FAM184B: variants seen among roughly 807,000 people sequenced by gnomAD.
FAM184B encodes family with sequence similarity 184 member B, also known as protein FAM184B.
In FAM184B, 111 loss-of-function variants were observed where a neutral mutation model predicts 135.9. The ratio of observed to expected loss-of-function variants is 0.82; its 90% CI spans 0.70 to 0.96. The LOEUF is 0.96. FAM184B is among the 40% of genes least tolerant of loss of function. FAM184B has a pLI of 0.00. For synonymous variants in FAM184B, 552 were observed against 524.8 expected (o/e 1.05, Z -0.71); for missense variants, 1,375 against 1,323.9 (o/e 1.04, Z -0.60).
intron 2 of FAM184B, among the ~76,000 whole-genome samples, 180 bp downstream of exon 2, chr4:17,708,712 G>GTC (rs1717175466): frequency 3.0e-5 from 1 of 33,304 alleles, no homozygotes; most frequent in Non-Finnish European, 5.8e-5. Context: ...TATATATAGT[G>GTC]TCTGTGTGTG....
intron 1 of FAM184B, among the ~76,000 whole-genome samples, chr4:17,721,602 G>A (rs1394144439): frequency 6.6e-6 from 1 of 152,140 alleles, no homozygotes; most frequent in Non-Finnish European, 1.5e-5. Flanking sequence ...GCAGAGCCGA[G>A]GTGAAGGGCA....
intron 1 of FAM184B, among the ~76,000 whole-genome samples, chr4:17,717,445 G>A (rs538400561): frequency 6.6e-6 from 1 of 152,226 alleles, no homozygotes; most frequent in African/African-American, 2.4e-5. Context: ...TCTGCCATCT[G>A]CTTGCTTGCT....
intron 5 of FAM184B, among the ~76,000 whole-genome samples, chr4:17,696,880 T>C (rs1716878860): frequency 6.6e-6 from 1 of 151,296 alleles, no homozygotes; most frequent in Admixed American, 6.6e-5. Context: ...GAGGGCAGAG[T>C]TGGACAGGGG....
chr4:17,712,746 C>CA (rs61040302), intron 1 of FAM184B, among the ~76,000 whole-genome samples: 5,981 of 147,708 alleles, frequency 0.04, 275 homozygotes, highest in African/African-American at 0.11. Flanking sequence ...GTTTAGAAAA[C>CA]AAAAAAAAAG....
At chr4:17,725,640 C>G (rs1341320960) in intron 1 of FAM184B, among the ~76,000 whole-genome samples, 2 of 152,184 alleles carry the variant, frequency 1.3e-5, no homozygotes, top group Non-Finnish European at 2.9e-5. Context: ...AAAGGCATCT[C>G]CATTTTCACT....
At chr4:17,701,204 G>A (rs913019768) in intron 5 of FAM184B, among the ~76,000 whole-genome samples, 2 of 152,176 alleles carry the variant, frequency 1.3e-5, no homozygotes, top group Admixed American at 6.5e-5. Context: ...ACATAAATAT[G>A]CATTCAGTCA....
intron 10 of FAM184B, among the ~76,000 whole-genome samples, chr4:17,653,571 G>A (rs965582857): frequency 4.0e-5 from 6 of 151,674 alleles, no homozygotes; most frequent in East Asian, 1.9e-4. Flanking sequence ...GTTCATTCAC[G>A]CTTTCACTCA....
chr4:17,737,121 G>T, intron 1 of FAM184B, among the ~76,000 whole-genome samples: 1 of 151,644 alleles, frequency 6.6e-6, no homozygotes, highest in Non-Finnish European at 1.5e-5. Context: ...TCCAGCCTGG[G>T]CAACAAGAGT....
Position 17,748,027 on chromosome 4 carries a change from C to A in FAM184B, c.141+33132G>T, listed in dbSNP as rs976657035. ...GCTGAGGCAGGAGAATCGCTTAAAC[C>A]CGGGAGGCAGAGGTTGCAGTTAGCA... On this transcript the variant is annotated intron_variant, in intron 1 of 17. Coordinates refer to ENST00000265018, the MANE Select transcript of FAM184B (RefSeq NM_015688.2). 1.0e-4 allele frequency among the ~76,000 whole-genome samples: 15 copies of A among 146,690 alleles called. No homozygotes were observed. The South Asian group carries it at 3.3e-3, about 32-fold the overall frequency.
At chr4:17,729,633 C>A (rs558735951) in intron 1 of FAM184B, among the ~76,000 whole-genome samples, 2 of 152,362 alleles carry the variant, frequency 1.3e-5, no homozygotes, top group Non-Finnish European at 2.9e-5. Context: ...GCAGCCACTG[C>A]TGCTGATACC....
intron 6 of FAM184B, among the ~76,000 whole-genome samples, chr4:17,689,564 T>C (rs777999138): frequency 2.0e-5 from 3 of 152,110 alleles, no homozygotes; most frequent in Non-Finnish European, 2.9e-5. Context: ...TCAGTAGAGA[T>C]ATGTACAAAA....
intron 17 of FAM184B, 114 bp from the exon 18 acceptor site, chr4:17,632,739 C>A: frequency 1.4e-6 from 1 of 693,346 alleles, no homozygotes; most frequent in Non-Finnish European, 2.4e-6. Flanking sequence ...CAAAAACACC[C>A]AAATGGGACT....
chr4:17,752,507 G>C (rs1448986835), intron 1 of FAM184B, among the ~76,000 whole-genome samples: 1 of 152,088 alleles, frequency 6.6e-6, no homozygotes, highest in African/African-American at 2.4e-5. Context: ...GTTTTGCTTT[G>C]ATCACAGAGA....
intron 2 of FAM184B, among the ~76,000 whole-genome samples, 170 bp downstream of exon 2, chr4:17,708,714 CTGTGTGTG>C (rs71167327): frequency 1.8e-5 from 1 of 57,056 alleles, no homozygotes; most frequent in Non-Finnish European, 3.1e-5. Context: ...TATATAGTGT[CTGTGTGTG>C]TGTGTGTGTG....
rs1350399322 is a variant in FAM184B, at chr4:17,709,138, G to T, written c.648C>A (p.Arg216=). Residue 216 remains arginine (R), a synonymous_variant, in exon 2 of 18, where the codon CGC becomes CGA. Coordinates refer to ENST00000265018, the MANE Select transcript of FAM184B (RefSeq NM_015688.2). ...AGGTGGCCTGCAGCTCCTCGGCCTT[G>T]CGGGCGTAGTCCTTGCTCAGCTGCT... ...ENQQLSKDYA[R]KAEELQATYE... 2 of 1,548,504 alleles carry T rather than the reference G, an allele frequency of 1.3e-6. No individual in the cohort carries two copies. Among genetic ancestry groups the T allele is most frequent in the Non-Finnish European group, 1.7e-6 (2 of 1,146,984 alleles).
intron 11 of FAM184B, among the ~76,000 whole-genome samples, chr4:17,649,550 C>A (rs1715552488): frequency 6.7e-6 from 1 of 149,654 alleles, no homozygotes; most frequent in Non-Finnish European, 1.5e-5. Flanking sequence ...CACCACTGCA[C>A]TCCAGCTTGG....
At chr4:17,741,985 C>T (rs1270475211) in intron 1 of FAM184B, among the ~76,000 whole-genome samples, 1 of 151,778 alleles carries the variant, frequency 6.6e-6, no homozygotes, top group Non-Finnish European at 1.5e-5. Flanking sequence ...GAAGTTTCAG[C>T]CAACAAACAT....
At chr4:17,662,127 C>T (rs1445586635) in intron 8 of FAM184B, among the ~76,000 whole-genome samples, 1 of 152,128 alleles carries the variant, frequency 6.6e-6, no homozygotes, top group Non-Finnish European at 1.5e-5. Flanking sequence ...GGTTATGTTG[C>T]TCCTCATCAT....
chr4:17,653,122 A>C, intron 10 of FAM184B, 139 bp from the exon 11 acceptor site: 2 of 839,982 alleles, frequency 2.4e-6, no homozygotes, highest in African/African-American at 1.7e-5. Context: ...GCTACAGAGA[A>C]TGCTGTAGCA....
Sources: gnomAD v4.1 joint callset for allele counts (sites outside exome capture counted in the v4.1 genomes callset) on GRCh38, gnomAD v4.1.1 for gene constraint, MANE v1.5 for transcripts, NCBI Gene and HGNC (gene_info 2026-07-23, HGNC 2026-07-21) for gene names.